Variants in SLC16A4 observed in about 807,000 individuals in gnomAD.
SLC16A4 encodes probable monocarboxylate transporter 5.
Under a neutral mutation model 47.9 loss-of-function variants are expected in SLC16A4, and 39 were observed. That is an observed-to-expected ratio of 0.81 (90% CI 0.63 to 1.06). SLC16A4 has a LOEUF of 1.06. Ranked by LOEUF, SLC16A4 falls within the 50% of genes least tolerant of loss-of-function variation. The pLI is 0.00. For missense variants in SLC16A4, 524 were observed against 573.8 expected, an observed-to-expected ratio of 0.91 and a Z score of 0.89; for synonymous variants, 189 against 199.9, an observed-to-expected ratio of 0.95 and a Z score of 0.46.
At chr1:110,374,729 G>A (rs1424530173) in intron 8 of SLC16A4, among the ~76,000 whole-genome samples, 1 of 152,232 alleles carries the variant, frequency 6.6e-6, no homozygotes, top group Non-Finnish European at 1.5e-5. Context: ...AATGTTTACT[G>A]TACTTGTATA....
chr1:110,363,749 T>C lies in SLC16A4; in HGVS notation c.*17A>G, dbSNP rs1428738367. On this transcript the variant is annotated 3_prime_UTR_variant, in exon 9 of 9. Coordinates refer to ENST00000369779, the MANE Select transcript of SLC16A4 (RefSeq NM_004696.3). ...TTTCTTTTGTTTAGCTCTCACTTGA[T>C]TGCAGTCTTCTTTCTTTCAGGTCAG... 1 of 1,592,524 alleles carries C rather than the reference T, an allele frequency of 6.3e-7. No individual in the cohort carries two copies. The highest frequency in any genetic ancestry group is 2.2e-5 in the East Asian group (1 of 44,578).
intron 8 of SLC16A4, among the ~76,000 whole-genome samples, chr1:110,367,139 C>T (rs541314399): frequency 7.2e-5 from 11 of 152,208 alleles, no homozygotes; most frequent in Non-Finnish European, 1.5e-4. Flanking sequence ...TTTTGAGCTT[C>T]GTTGCTATTG....
chr1:110,368,904 C>T (rs1661540873), intron 8 of SLC16A4, among the ~76,000 whole-genome samples: 1 of 151,936 alleles, frequency 6.6e-6, no homozygotes, highest in South Asian at 2.1e-4. Context: ...AGTATTCATA[C>T]CTTCAGACAT....
intron 5 of SLC16A4, among the ~76,000 whole-genome samples, chr1:110,380,246 T>C (rs531660489): frequency 6.6e-6 from 1 of 152,108 alleles, no homozygotes. Context: ...GAATGGGCTA[T>C]AGGTTCTGCT....
intron 8 of SLC16A4, among the ~76,000 whole-genome samples, chr1:110,366,138 T>A (rs1200869188): frequency 2.5e-5 from 3 of 121,686 alleles, no homozygotes; most frequent in Admixed American, 1.6e-4. Context: ...ACACACTCTT[T>A]CTCTCTCTCT....
At chr1:110,364,520 T>TTGA (rs1661267057) in intron 8 of SLC16A4, among the ~76,000 whole-genome samples, 1 of 107,200 alleles carries the variant, frequency 9.3e-6, no homozygotes, top group African/African-American at 3.2e-5. Flanking sequence ...TTTTTTTTTT[T>TTGA]GAGACAGAGG....
chr1:110,375,131 C>CT (rs58441281), intron 8 of SLC16A4: 62,242 of 156,160 alleles, frequency 0.4, 12,641 homozygotes, highest in Non-Finnish European at 0.44. Flanking sequence ...TGCTCCCAGC[C>CT]TTTTTTTTTT....
intron 2 of SLC16A4, among the ~76,000 whole-genome samples, chr1:110,383,199 G>A (rs1662520670): frequency 6.6e-6 from 1 of 152,148 alleles, no homozygotes; most frequent in South Asian, 2.1e-4. Flanking sequence ...CTTTGGAATA[G>A]GCATGCCAAT....
At chr1:110,388,717 T>G (rs1662863993) in intron 2 of SLC16A4, among the ~76,000 whole-genome samples, 1 of 152,112 alleles carries the variant, frequency 6.6e-6, no homozygotes, top group African/African-American at 2.4e-5. Context: ...GGAACACTTC[T>G]GTTTGTTTGT....
chr1:110,366,101 T>TACAC (rs112827792), intron 8 of SLC16A4, among the ~76,000 whole-genome samples: 12,435 of 143,780 alleles, frequency 0.086, 896 homozygotes, highest in African/African-American at 0.2. Flanking sequence ...CCTTTCATTT[T>TACAC]ACACACACAC....
intron 2 of SLC16A4, 138 bp downstream of exon 2, chr1:110,389,099 C>T (rs900780667): frequency 1.5e-5 from 12 of 799,194 alleles, no homozygotes; most frequent in Admixed American, 1.1e-4. Context: ...TTTGGCAGCT[C>T]CTGGCCTTGT....
intron 3 of SLC16A4, among the ~76,000 whole-genome samples, chr1:110,382,592 A>T (rs1662467604): frequency 6.6e-6 from 1 of 152,232 alleles, no homozygotes; most frequent in African/African-American, 2.4e-5. Context: ...CAATGCATGA[A>T]ATACTGAATC....
intron 8 of SLC16A4, among the ~76,000 whole-genome samples, chr1:110,366,387 T>G (rs1661400735): frequency 6.6e-6 from 1 of 152,164 alleles, no homozygotes; most frequent in African/African-American, 2.4e-5. Flanking sequence ...CTCAAACTCC[T>G]GATCTCAGGT....
intron 8 of SLC16A4, among the ~76,000 whole-genome samples, chr1:110,374,779 A>T (rs538346946): frequency 6.6e-6 from 1 of 152,350 alleles, no homozygotes; most frequent in Non-Finnish European, 1.5e-5. Flanking sequence ...CTCCATAGAG[A>T]TGGGGCCTTT....
At position 110,379,061 on chromosome 1, in the gene SLC16A4, CTTT is replaced by C; in HGVS notation, c.819_821del (p.Lys274del). On this transcript the variant is annotated inframe_deletion, in exon 6 of 9. Coordinates refer to ENST00000369779, the MANE Select transcript of SLC16A4 (RefSeq NM_004696.3). ...TAACCTTATCACTTTCTTCATCACT[CTTT>C]AATAACAGTCTGTTCCTGTTAGGCC... 6.2e-7 allele frequency: 1 copy of C among 1,614,186 alleles called. No homozygotes were observed. Among genetic ancestry groups the C allele is most frequent in the Non-Finnish European group, 8.5e-7 (1 of 1,180,028 alleles).
At chr1:110,375,033 TG>T (rs1244659850) in intron 8 of SLC16A4, 2 of 157,700 alleles carry the variant, frequency 1.3e-5, no homozygotes, top group African/African-American at 4.8e-5. Flanking sequence ...AAGGTCTGTC[TG>T]TTGCCCAGGC....
Position 110,378,892 on chromosome 1 carries a change from TC to T in SLC16A4, c.990del (p.Ile331LeufsTer12), listed in dbSNP as rs1662178756. On this transcript the variant is annotated frameshift_variant, in exon 6 of 9. Transcript: ENST00000369779. LOFTEE classifies it high-confidence loss of function. ...FHLVARAKTLGIDIMDASYLV... is the reference protein window; with the variant it reads ...FHLVARAKTLXIDIMDASYLV... ...AGGTAAGAGGCATCCATGATGTCAA[TC>T]CCCAGTGTTTTGGCTCTGGCTACCA... The T allele has an allele frequency of 1.2e-6, 2 of 1,614,030 alleles. No individual in the cohort carries two copies. The highest frequency in any genetic ancestry group is 3.3e-5 in the Admixed American group (2 of 60,010).
At chr1:110,371,164 C>G (rs1206094564) in intron 8 of SLC16A4, 1 of 152,160 alleles carries the variant, frequency 6.6e-6, no homozygotes, top group Non-Finnish European at 1.5e-5. Context: ...TTGATAGTCA[C>G]TTGATTACCA....
Position 110,363,875 on chromosome 1 carries a change from G to T in SLC16A4, c.1355C>A (p.Thr452Asn), listed in dbSNP as rs2100964333. The T allele has an allele frequency of 6.2e-7, 1 of 1,611,172 alleles. No homozygotes were observed. The highest frequency in any genetic ancestry group is 2.2e-5 in the East Asian group (1 of 44,796). Reference protein sequence around the residue: ...PPIAGWLYDYTQTYNGSFYFS... With the variant: ...PPIAGWLYDYNQTYNGSFYFS... ...GTAGAAAGAGCCATTGTATGTCTGGGTATAATCATATAACCAGCCTGGAAG... is the reference window on the plus strand; with the variant it reads ...GTAGAAAGAGCCATTGTATGTCTGGTTATAATCATATAACCAGCCTGGAAG... Residue 452 changes from threonine to asparagine, a missense_variant, in exon 9 of 9, where the codon ACC becomes AAC. Thr to Asn is a moderately conservative substitution (Grantham distance 65). Transcript: ENST00000369779.
Sources: gnomAD v4.1 joint callset for allele counts (sites outside exome capture counted in the v4.1 genomes callset) on GRCh38, gnomAD v4.1.1 for gene constraint, MANE v1.5 for transcripts, NCBI Gene and HGNC (gene_info 2026-07-23, HGNC 2026-07-21) for gene names.